The following CYP2C19 variants were observed in gnomAD, a reference collection of about 807,000 sequenced individuals.
CYP2C19 encodes cytochrome P450 2C19.
A neutral mutation model predicts 40.9 loss-of-function variants in CYP2C19; 59 were observed. The ratio of observed to expected loss-of-function variants is 1.44; its 90% CI spans 1.17 to 1.79. The LOEUF (loss-of-function observed/expected upper bound fraction) is 1.79, where lower values mean the gene tolerates loss of function less well. Among genes scored for constraint, CYP2C19 ranks in the 40% most tolerant of loss-of-function variants. The pLI, the probability that CYP2C19 is intolerant of heterozygous loss-of-function variation, is 0.00. For synonymous variants in CYP2C19, 253 were observed against 208.7 expected (o/e 1.21, Z -1.83); for missense variants, 754 against 596.9 (o/e 1.26, Z -2.74).
intron 5 of CYP2C19, among the ~76,000 whole-genome samples, chr10:94,814,612 G>C (rs113459833): frequency 0.012 from 1,859 of 151,856 alleles, 71 homozygotes; most frequent in African/African-American, 0.043. Context: ...CTAGGTTGTA[G>C]AAGTTTGCAG....
At chr10:94,777,982 G>C (rs1848431700) in intron 3 of CYP2C19, among the ~76,000 whole-genome samples, 1 of 152,128 alleles carries the variant, frequency 6.6e-6, no homozygotes, top group African/African-American at 2.4e-5. Context: ...AAAAAAAACT[G>C]CTGGGTCTGT....
In CYP2C19 at chr10:94,850,189, G is replaced by A. The variant is rs1589379714; in HGVS notation, c.1291+131G>A. The A allele has an allele frequency of 1.5e-5, 16 of 1,098,620 alleles. No individual in the cohort carries two copies. The South Asian group carries it at 2.1e-4, about 14-fold the overall frequency. The allele number at this position is 1,098,620 out of a possible 1,614,324, so 68.1% of individuals were successfully genotyped here. On this transcript the variant is annotated intron_variant, in intron 8 of 8. Transcript: ENST00000371321. ...CATGATCAAGAGCACTGTTCTGAAT[G>A]CCTGTGTTTTCTCCGCTGGTGATAC...
At chr10:94,769,582 G>T (rs1232393467) in intron 1 of CYP2C19, among the ~76,000 whole-genome samples, 2 of 152,172 alleles carry the variant, frequency 1.3e-5, no homozygotes, top group East Asian at 1.9e-4. Flanking sequence ...TCTTGCACTA[G>T]TCTCCACAGA....
chr10:94,836,804 G>A lies in CYP2C19; in HGVS notation c.962-6033G>A, dbSNP rs180786588. The stretch of plus-strand genomic sequence containing the variant: ...ACAGGTAGTGAGGAAATTTAAGAGC[G>A]CTTGGGTGGCTTGATGGCACAAGGT... On this transcript the variant is annotated intron_variant, in intron 6 of 8. Coordinates refer to ENST00000371321, the MANE Select transcript of CYP2C19 (RefSeq NM_000769.4). 1.2e-3 allele frequency among the ~76,000 whole-genome samples: 183 copies of A among 152,308 alleles called. 1 individual carries two copies. Among genetic ancestry groups the A allele is most frequent in the African/African-American group, 3.3e-3 (138 of 41,578 alleles).
intron 5 of CYP2C19, among the ~76,000 whole-genome samples, chr10:94,819,794 C>A (rs1222563829): frequency 1.1e-3 from 130 of 115,042 alleles, no homozygotes; most frequent in African/African-American, 4.3e-3. Flanking sequence ...GATTCACAGC[C>A]GAATTCTACC....
chr10:94,775,196 G>T lies in CYP2C19; in HGVS notation c.307G>T (p.Ala103Ser). 1 of 1,614,046 alleles carries T rather than the reference G, an allele frequency of 6.2e-7. No homozygotes were observed. Among genetic ancestry groups the T allele is most frequent in the Non-Finnish European group, 8.5e-7 (1 of 1,180,000 alleles). Residue 103 changes from alanine (A) to serine (S), a missense_variant, in exon 2 of 9, where the codon GCT becomes TCT. Physicochemically the swap from Ala to Ser is moderately conservative, Grantham distance 99. Coordinates refer to ENST00000371321, the MANE Select transcript of CYP2C19 (RefSeq NM_000769.4). ...EFSGRGHFPLAERANRGFGIV... is the reference protein window; with the variant it reads ...EFSGRGHFPLSERANRGFGIV... ...TTCTGGAAGAGGCCATTTCCCACTG[G>T]CTGAAAGAGCTAACAGAGGATTTGG...
intron 5 of CYP2C19, among the ~76,000 whole-genome samples, chr10:94,793,036 A>G (rs985077142): frequency 4.6e-5 from 7 of 152,104 alleles, no homozygotes; most frequent in Non-Finnish European, 7.4e-5. Context: ...AATATTTCTT[A>G]GAGGCTTTGT....
At chr10:94,816,157 T>A (rs1564674187) in intron 5 of CYP2C19, among the ~76,000 whole-genome samples, 3 of 152,098 alleles carry the variant, frequency 2.0e-5, no homozygotes, top group Admixed American at 1.3e-4. Context: ...ATGGAATTTT[T>A]AAGCAAGCAT....
intron 5 of CYP2C19, among the ~76,000 whole-genome samples, chr10:94,785,688 C>T (rs553482915): frequency 2.0e-5 from 3 of 152,186 alleles, no homozygotes; most frequent in African/African-American, 7.2e-5. Context: ...TGAAAAGCAA[C>T]CCTAAATCAT....
intron 5 of CYP2C19, among the ~76,000 whole-genome samples, chr10:94,798,001 C>T (rs1848712049): frequency 6.6e-6 from 1 of 151,984 alleles, no homozygotes; most frequent in African/African-American, 2.4e-5. Flanking sequence ...TTCAGTACTG[C>T]TCTGATCTTA....
chr10:94,795,671 T>C (rs1196296798), intron 5 of CYP2C19, among the ~76,000 whole-genome samples: 2 of 152,142 alleles, frequency 1.3e-5, no homozygotes, highest in Non-Finnish European at 2.9e-5. Context: ...ACCTGTCGTT[T>C]CCTGACTTTT....
chr10:94,813,931 C>A lies in CYP2C19; in HGVS notation c.820-6565C>A, dbSNP rs1414677663. On this transcript the variant is annotated intron_variant, in intron 5 of 8. Coordinates refer to ENST00000371321, the MANE Select transcript of CYP2C19 (RefSeq NM_000769.4). ...TGGTGGTGTAGGCTCTGAAGGGAAT[C>A]TTCTGGTCTGTGGGTTGTGAAGACC... Among the ~76,000 whole-genome samples, 3 of 151,050 alleles carry A rather than the reference C, an allele frequency of 2.0e-5. No homozygotes were observed. The East Asian group carries it at 5.8e-4, about 29-fold the overall frequency.
chr10:94,767,681 G>T (rs927672772), intron 1 of CYP2C19, among the ~76,000 whole-genome samples: 2 of 152,142 alleles, frequency 1.3e-5, no homozygotes, highest in Non-Finnish European at 2.9e-5. Flanking sequence ...TGTAAATAGG[G>T]ATTTGGCCAT....
rs554080912 is a variant in CYP2C19, at chr10:94,840,314, T to G, written c.962-2523T>G. 3.1e-3 allele frequency among the ~76,000 whole-genome samples: 468 copies of G among 151,584 alleles called. 2 individuals carry two copies. Among genetic ancestry groups the G allele is most frequent in the African/African-American group, 0.011 (445 of 41,192 alleles). ...TCTCTCTCTCTGTCTCTCTCTCTCT[T>G]AGCCATTACAAACTTGGGGCCCTGG... On this transcript the variant is annotated intron_variant, in intron 6 of 8. Transcript: ENST00000371321.
At chr10:94,827,019 A>G (rs2134274123) in intron 6 of CYP2C19, among the ~76,000 whole-genome samples, 1 of 152,152 alleles carries the variant, frequency 6.6e-6, no homozygotes, top group Admixed American at 6.5e-5. Context: ...AGCCCACTCG[A>G]TCATGGTGGA....
chr10:94,773,008 G>C (rs995854179), intron 1 of CYP2C19, among the ~76,000 whole-genome samples: 8 of 151,902 alleles, frequency 5.3e-5, no homozygotes, highest in African/African-American at 1.5e-4. Context: ...GTCTCGATCT[G>C]CTGACCTCAT....
At chr10:94,763,525 G>A (rs987517860) in intron 1 of CYP2C19, among the ~76,000 whole-genome samples, 4 of 152,092 alleles carry the variant, frequency 2.6e-5, no homozygotes, top group African/African-American at 9.7e-5. Flanking sequence ...TTTTAACAGT[G>A]TTAATATGAT....
intron 8 of CYP2C19, among the ~76,000 whole-genome samples, chr10:94,851,999 T>A (rs1421254292): frequency 6.6e-6 from 1 of 152,214 alleles, no homozygotes; most frequent in Non-Finnish European, 1.5e-5. Flanking sequence ...TTGACCTATG[T>A]CCTGACTGTG....
In CYP2C19 at chr10:94,762,693, G is replaced by A. The variant is rs367543001; in HGVS notation, c.-13G>A. ...CAAGCTCACGGTTGTCTTAACAAGA[G>A]GAGAAGGCTTCAATGGATCCTTTTG... On this transcript the variant is annotated 5_prime_UTR_variant, in exon 1 of 9. Transcript: ENST00000371321. 856 of 1,612,144 alleles carry A rather than the reference G, an allele frequency of 5.3e-4. 22 individuals are homozygous for A. In the South Asian group the frequency reaches 9.1e-3, roughly 17 times the overall value.
Sources: allele counts gnomAD v4.1 joint callset (sites outside exome capture counted in the v4.1 genomes callset), GRCh38; gene constraint gnomAD v4.1.1; transcripts MANE v1.5; gene names NCBI Gene and HGNC (gene_info 2026-07-23, HGNC 2026-07-21).